The following C8orf76 variants were observed in gnomAD, a reference collection of about 807,000 sequenced individuals.
C8orf76 encodes the protein uncharacterized protein C8orf76.
Under a neutral mutation model 38.1 loss-of-function variants are expected in C8orf76, and 46 were observed. The observed-to-expected ratio is 1.21, with a 90% CI of 0.95 to 1.54. The LOEUF (loss-of-function observed/expected upper bound fraction) is 1.54. Ranked by LOEUF, C8orf76 falls within the 40% of genes most tolerant of loss-of-function variation. The pLI is 0.00. For synonymous variants in C8orf76, 166 were observed against 167.5 expected (o/e 0.99, Z 0.07); for missense variants, 461 against 441.6 (o/e 1.04, Z -0.39).
chr8:123,220,217 A>G lies in C8orf76; in HGVS notation c.1029T>C (p.Thr343=). 1 of 1,613,946 alleles carries G rather than the reference A, an allele frequency of 6.2e-7. No individual in the cohort carries two copies. The highest frequency in any genetic ancestry group is 1.3e-5 in the African/African-American group (1 of 75,046). The change falls in exon 6 of 6, where the codon ACT becomes ACC. Residue 343 remains threonine (T), a synonymous_variant. Transcript: ENST00000276704. ...EVKCVGSVAL[T]ALVTVSSEEF... is the part of the protein sequence containing the mutation. ...CTTCTGAGGATACAGTCACCAAGGC[A>G]GTCAGGGCTACGGAGCCAACACACT...
chr8:123,239,238 C>CA (rs935525001), intron 1 of C8orf76, 94 bp from the exon 2 acceptor site: 20 of 1,332,386 alleles, frequency 1.5e-5, no homozygotes, highest in Admixed American at 7.9e-5. Flanking sequence ...GATTAAACGT[C>CA]AAAAAAAGAC....
intron 5 of C8orf76, among the ~76,000 whole-genome samples, chr8:123,225,489 G>C (rs1304606642): frequency 1.3e-5 from 2 of 152,304 alleles, no homozygotes; most frequent in Admixed American, 6.5e-5. Flanking sequence ...GATGATTTCT[G>C]TGACAGAAAA....
chr8:123,226,100 A>AC, intron 5 of C8orf76: 2 of 1,004,614 alleles, frequency 2.0e-6, no homozygotes, highest in Non-Finnish European at 1.2e-6. Flanking sequence ...CAGGCAAGTC[A>AC]CAAGTTCTCT....
intron 2 of C8orf76, 122 bp from the exon 3 acceptor site, chr8:123,238,063 C>T (rs997834104): frequency 4.2e-5 from 48 of 1,147,454 alleles, no homozygotes; most frequent in Admixed American, 6.1e-5. Context: ...CAATGAATTA[C>T]ATGAATATTT....
intron 3 of C8orf76, among the ~76,000 whole-genome samples, chr8:123,233,634 C>G (rs1295644280): frequency 6.6e-6 from 1 of 152,052 alleles, no homozygotes; most frequent in Non-Finnish European, 1.5e-5. Context: ...GACCTTCGCC[C>G]ACCTCGGCCT....
chr8:123,226,920 C>G (rs531378074), intron 4 of C8orf76, among the ~76,000 whole-genome samples: 1 of 152,170 alleles, frequency 6.6e-6, no homozygotes, highest in Non-Finnish European at 1.5e-5. Flanking sequence ...AGCTTCCGGC[C>G]TCAAAAGAGC....
intron 4 of C8orf76, among the ~76,000 whole-genome samples, chr8:123,227,014 G>A (rs898245997): frequency 2.0e-5 from 3 of 152,130 alleles, no homozygotes; most frequent in Non-Finnish European, 4.4e-5. Flanking sequence ...TCTCACACAG[G>A]CCCTCTGGAT....
At chr8:123,236,678 G>A (rs1040926704) in intron 3 of C8orf76, among the ~76,000 whole-genome samples, 1 of 151,904 alleles carries the variant, frequency 6.6e-6, no homozygotes, top group African/African-American at 2.4e-5. Flanking sequence ...TAGCTACTCA[G>A]GAGGCTGAGG....
Position 123,231,537 on chromosome 8 carries a change from CTG to C in C8orf76, c.576_577del (p.His192GlnfsTer6), listed in dbSNP as rs1421068251. On this transcript the variant is annotated frameshift_variant, in exon 4 of 6. Coordinates refer to ENST00000276704, the MANE Select transcript of C8orf76 (RefSeq NM_032847.3). LOFTEE classifies it high-confidence loss of function. ...GATAGTTTTGTCACTTGAGGTGAAA[CTG>C]TGCTGTTTCTGAGATGACGCAAGTG... 5 of 1,614,224 alleles carry C rather than the reference CTG, an allele frequency of 3.1e-6. No homozygotes were observed. The highest frequency in any genetic ancestry group is 2.2e-5 in the East Asian group (1 of 44,894).
At chr8:123,228,588 C>T (rs1825129672) in intron 4 of C8orf76, among the ~76,000 whole-genome samples, 1 of 151,854 alleles carries the variant, frequency 6.6e-6, no homozygotes, top group Admixed American at 6.6e-5. Flanking sequence ...CATTGCACTC[C>T]CACCTGGGCA....
intron 3 of C8orf76, chr8:123,237,011 A>G: frequency 6.6e-7 from 1 of 1,525,852 alleles, no homozygotes; most frequent in Non-Finnish European, 9.1e-7. Flanking sequence ...CTCAGACTAC[A>G]ACATCCAGAA....
intron 4 of C8orf76, among the ~76,000 whole-genome samples, chr8:123,228,214 T>A (rs1379827731): frequency 6.6e-6 from 1 of 152,156 alleles, no homozygotes; most frequent in Non-Finnish European, 1.5e-5. Context: ...TTTTTTTTAT[T>A]ACCACTGTAC....
chr8:123,233,780 G>A (rs886824552), intron 3 of C8orf76, among the ~76,000 whole-genome samples: 4 of 151,918 alleles, frequency 2.6e-5, no homozygotes, highest in African/African-American at 9.7e-5. Flanking sequence ...TGTAATCCCA[G>A]CACTTTGGGA....
At chr8:123,239,557 C>T (rs974311928) in intron 1 of C8orf76, 4 of 160,396 alleles carry the variant, frequency 2.5e-5, no homozygotes, top group Non-Finnish European at 5.5e-5. Context: ...TAGAAGGAGG[C>T]TCCAATGCAA....
In C8orf76 at chr8:123,226,582, C is replaced by T. The variant is rs1203894155; in HGVS notation, c.866G>A (p.Arg289Lys). Residue 289 changes from arginine to lysine, a missense_variant, in exon 5 of 6, where the codon AGG becomes AAG. Coordinates refer to ENST00000276704, the MANE Select transcript of C8orf76 (RefSeq NM_032847.3). ...AATTTCCTGCTGAGTCCTTAAGTTC[C>T]TCTCCAAAGCAAACGATGTTTGCTG... is the stretch of plus-strand genomic sequence containing the variant. ...QPQQTSFALERNLRTQQEIED... is the reference protein window; with the variant it reads ...QPQQTSFALEKNLRTQQEIED... 2 of 1,611,678 alleles carry T rather than the reference C, an allele frequency of 1.2e-6. No homozygotes were observed. The highest frequency in any genetic ancestry group is 3.4e-5 in the Admixed American group (2 of 59,118).
chr8:123,240,971 G>A (rs561968858), intron 1 of C8orf76, among the ~76,000 whole-genome samples: 147 of 152,348 alleles, frequency 9.6e-4, no homozygotes, highest in African/African-American at 3.5e-3. Flanking sequence ...GTTGAGACCA[G>A]CCGGCAGCAG....
chr8:123,237,130 C>CAGGCGGGCACAGCACT, intron 3 of C8orf76: 1 of 849,008 alleles, frequency 1.2e-6, no homozygotes, highest in Non-Finnish European at 2.0e-6. Flanking sequence ...GCCGCAAGTG[C>CAGGCGGGCACAGCACT]TGTGCCCGCC....
intron 4 of C8orf76, among the ~76,000 whole-genome samples, chr8:123,228,491 T>C (rs1825127018): frequency 6.6e-6 from 1 of 152,002 alleles, no homozygotes; most frequent in African/African-American, 2.4e-5. Flanking sequence ...TGGTGGTGCA[T>C]GCCTGTAATC....
chr8:123,221,341 C>T (rs749615852), intron 5 of C8orf76, among the ~76,000 whole-genome samples: 30 of 152,194 alleles, frequency 2.0e-4, no homozygotes, highest in Admixed American at 5.9e-4. Context: ...ACATCTGTAA[C>T]ACCAACACTT....
Sources: gnomAD v4.1 joint callset for allele counts (sites outside exome capture counted in the v4.1 genomes callset) on GRCh38, gnomAD v4.1.1 for gene constraint, MANE v1.5 for transcripts, NCBI Gene and HGNC (gene_info 2026-07-23, HGNC 2026-07-21) for gene names.